SLC35F1: variants seen among roughly 807,000 people sequenced by gnomAD.
SLC35F1 encodes the protein solute carrier family 35 member F1, also known as chromosome 6 open reading frame 169.
Under a neutral mutation model 48.7 loss-of-function variants are expected in SLC35F1, and 14 were observed. The ratio of observed to expected loss-of-function variants is 0.29; its 90% CI spans 0.19 to 0.45. SLC35F1 has a LOEUF of 0.45. Ranked by LOEUF, SLC35F1 falls within the 20% of genes least tolerant of loss-of-function variation. The pLI is 1.00. For synonymous variants in SLC35F1, 190 were observed against 202.2 expected, an observed-to-expected ratio of 0.94 and a Z score of 0.51; for missense variants, 404 against 500.0, an observed-to-expected ratio of 0.81 and a Z score of 1.83.
At chr6:118,172,705 CAT>C (rs764852304) in intron 2 of SLC35F1, among the ~76,000 whole-genome samples, 87 of 152,070 alleles carry the variant, frequency 5.7e-4, no homozygotes, top group Non-Finnish European at 1.1e-3. Flanking sequence ...TATTTATTAA[CAT>C]ATTTATATGC....
intron 1 of SLC35F1, among the ~76,000 whole-genome samples, chr6:117,969,304 A>C (rs1401496619): frequency 2.6e-5 from 4 of 152,228 alleles, no homozygotes; most frequent in Non-Finnish European, 5.9e-5. Context: ...CTTTCCAAAA[A>C]ACAAACTTTG....
intron 1 of SLC35F1, among the ~76,000 whole-genome samples, chr6:118,111,706 G>T (rs565399137): frequency 1.3e-5 from 2 of 152,232 alleles, no homozygotes; most frequent in Middle Eastern, 3.4e-3. Flanking sequence ...ATTCTTAATT[G>T]ATCTAACAGA....
rs34667516 is a variant in SLC35F1 at position 118,056,940 on chromosome 6, CTT to C, written c.174-97494_174-97493del. On this transcript the variant is annotated intron_variant, in intron 1 of 7. Transcript: ENST00000360388. ...TTGGCAGCGCTGACAAGTAGGAAAA[CTT>C]TTTTTTTTTTACTTTGTCAGTAATA... Among the ~76,000 whole-genome samples the C allele has an allele frequency of 4.0e-5, 6 of 148,280 alleles. No homozygotes were observed. The East Asian group carries it at 5.9e-4, about 15-fold the overall frequency.
chr6:118,283,072 A>G (rs145467688), intron 6 of SLC35F1, among the ~76,000 whole-genome samples: 1 of 152,238 alleles, frequency 6.6e-6, no homozygotes, highest in African/African-American at 2.4e-5. Context: ...GAGACCTGCA[A>G]GGTCTGGCAT....
intron 1 of SLC35F1, among the ~76,000 whole-genome samples, chr6:118,103,449 G>A (rs1773287392): frequency 6.6e-6 from 1 of 152,202 alleles, no homozygotes; most frequent in Non-Finnish European, 1.5e-5. Flanking sequence ...TGAGAAGAAG[G>A]CTGATTCTGT....
chr6:117,972,918 C>T (rs1163938013), intron 1 of SLC35F1, among the ~76,000 whole-genome samples: 1 of 152,144 alleles, frequency 6.6e-6, no homozygotes, highest in Non-Finnish European at 1.5e-5. Flanking sequence ...AATAAGTTTA[C>T]AAGCATTATG....
At chr6:118,075,138 A>G (rs1456273947) in intron 1 of SLC35F1, among the ~76,000 whole-genome samples, 1 of 152,238 alleles carries the variant, frequency 6.6e-6, no homozygotes, top group Non-Finnish European at 1.5e-5. Context: ...TTGGATCTTC[A>G]GAAGAATTTG....
intron 2 of SLC35F1, among the ~76,000 whole-genome samples, chr6:118,212,082 A>T (rs544898491): frequency 1.3e-5 from 2 of 152,280 alleles, no homozygotes; most frequent in Non-Finnish European, 2.9e-5. Context: ...GTGTAACTTT[A>T]TTCAAGGTGC....
At chr6:118,190,413 C>T (rs1255940311) in intron 2 of SLC35F1, among the ~76,000 whole-genome samples, 1 of 151,136 alleles carries the variant, frequency 6.6e-6, no homozygotes, top group Non-Finnish European at 1.5e-5. Context: ...GAGCTCAGTC[C>T]AAAAAAATGG....
At chr6:118,094,201 G>A (rs1445820660) in intron 1 of SLC35F1, among the ~76,000 whole-genome samples, 1 of 152,184 alleles carries the variant, frequency 6.6e-6, no homozygotes, top group African/African-American at 2.4e-5. Flanking sequence ...TTGAGTAAAT[G>A]AGAGAAGATG....
intron 3 of SLC35F1, among the ~76,000 whole-genome samples, chr6:118,250,421 T>C (rs1368762060): frequency 6.6e-6 from 1 of 152,204 alleles, no homozygotes; most frequent in African/African-American, 2.4e-5. Flanking sequence ...CACTACTGTG[T>C]GCCAAGTACC....
intron 2 of SLC35F1, among the ~76,000 whole-genome samples, chr6:118,206,783 G>A (rs1774941744): frequency 6.6e-6 from 1 of 152,084 alleles, no homozygotes; most frequent in Non-Finnish European, 1.5e-5. Context: ...AGGGAACCAA[G>A]AGACAAATTG....
Position 118,023,340 on chromosome 6 carries a change from C to T in SLC35F1, c.173+115441C>T, listed in dbSNP as rs1777422349. Among the ~76,000 whole-genome samples, 3 of 152,220 alleles carry T rather than the reference C, an allele frequency of 2.0e-5. No individual in the cohort carries two copies. In the South Asian group the frequency reaches 6.2e-4, roughly 32 times the overall value. On this transcript the variant is annotated intron_variant, in intron 1 of 7. Coordinates refer to ENST00000360388, the MANE Select transcript of SLC35F1 (RefSeq NM_001029858.4). ...GGTGACAACAAAGCATTAAGCCAAG[C>T]TGAGACCCCTCTGAGAGTGTGGCCC...
At chr6:117,995,902 A>G (rs1464707630) in intron 1 of SLC35F1, among the ~76,000 whole-genome samples, 1 of 152,214 alleles carries the variant, frequency 6.6e-6, no homozygotes, top group Non-Finnish European at 1.5e-5. Flanking sequence ...GAAAGTGAGA[A>G]AAGAAAATGC....
chr6:118,004,840 C>T (rs9401044), intron 1 of SLC35F1, among the ~76,000 whole-genome samples: 36,020 of 151,722 alleles, frequency 0.24, 4,404 homozygotes, highest in East Asian at 0.3. Context: ...AAGCCAATAT[C>T]GTACCTGGCC....
At chr6:118,037,422 C>T (rs1772150066) in intron 1 of SLC35F1, among the ~76,000 whole-genome samples, 1 of 151,818 alleles carries the variant, frequency 6.6e-6, no homozygotes, top group South Asian at 2.1e-4. Context: ...CTTTTGTTCC[C>T]CCTTACCTGC....
chr6:118,092,542 G>A (rs985148002), intron 1 of SLC35F1, among the ~76,000 whole-genome samples: 1 of 152,120 alleles, frequency 6.6e-6, no homozygotes, highest in African/African-American at 2.4e-5. Context: ...GAAGAGGGCC[G>A]CCATCCTCCA....
intron 1 of SLC35F1, among the ~76,000 whole-genome samples, chr6:118,111,763 A>G (rs921456893): frequency 3.2e-4 from 48 of 152,208 alleles, no homozygotes; most frequent in African/African-American, 1.2e-3. Flanking sequence ...TTGGGTGATT[A>G]AGCTTATGAA....
chr6:117,978,930 G>C (rs764369021), intron 1 of SLC35F1, among the ~76,000 whole-genome samples: 4 of 152,098 alleles, frequency 2.6e-5, no homozygotes, highest in African/African-American at 9.7e-5. Flanking sequence ...CTCATTTCAT[G>C]GCTCTTGTTA....
Sources: gnomAD v4.1 joint callset for allele counts (sites outside exome capture counted in the v4.1 genomes callset) on GRCh38, gnomAD v4.1.1 for gene constraint, MANE v1.5 for transcripts, NCBI Gene and HGNC (gene_info 2026-07-23, HGNC 2026-07-21) for gene names.